The following RABGAP1L variants were observed in gnomAD, a reference collection of about 807,000 sequenced individuals.
RABGAP1L encodes the protein rab GTPase-activating protein 1-like.
Under a neutral mutation model 137.7 loss-of-function variants are expected in RABGAP1L, and 63 were observed. The ratio of observed to expected loss-of-function variants is 0.46; its 90% CI spans 0.37 to 0.56. The LOEUF is 0.56. Among genes scored for constraint, RABGAP1L ranks in the 20% least tolerant of loss-of-function variants. The pLI, the probability that RABGAP1L is intolerant of heterozygous loss-of-function variation, is 0.00. For synonymous variants in RABGAP1L, 431 were observed against 433.7 expected (o/e 0.99, Z 0.08); for missense variants, 1,095 against 1,244.0 (o/e 0.88, Z 1.80).
intron 13 of RABGAP1L, among the ~76,000 whole-genome samples, chr1:174,507,095 G>T (rs555184312): frequency 2.6e-5 from 4 of 152,120 alleles, no homozygotes; most frequent in Non-Finnish European, 5.9e-5. Context: ...AATTTAAAAA[G>T]AATTTAAGGA....
intron 13 of RABGAP1L, among the ~76,000 whole-genome samples, chr1:174,459,741 C>T (rs1656457741): frequency 6.6e-6 from 1 of 151,894 alleles, no homozygotes; most frequent in East Asian, 1.9e-4. Context: ...GGATGTGAAC[C>T]CTATGAATAT....
At chr1:174,696,526 A>C (rs1490454885) in intron 15 of RABGAP1L, among the ~76,000 whole-genome samples, 1 of 152,020 alleles carries the variant, frequency 6.6e-6, no homozygotes, top group Non-Finnish European at 1.5e-5. Flanking sequence ...CTGCTTTTCA[A>C]ATTTGTTCAG....
intron 17 of RABGAP1L, among the ~76,000 whole-genome samples, chr1:174,717,836 A>T (rs1389069034): frequency 2.0e-5 from 3 of 152,228 alleles, no homozygotes; most frequent in Non-Finnish European, 4.4e-5. Context: ...GCATGGTAAC[A>T]GTCCAATACT....
At chr1:174,407,690 A>G (rs1649436794) in intron 13 of RABGAP1L, among the ~76,000 whole-genome samples, 1 of 152,078 alleles carries the variant, frequency 6.6e-6, no homozygotes, top group Admixed American at 6.6e-5. Flanking sequence ...GGACATCCGC[A>G]GCTGCAGACT....
intron 12 of RABGAP1L, among the ~76,000 whole-genome samples, chr1:174,381,296 C>G (rs1407756725): frequency 2.0e-5 from 3 of 146,648 alleles, no homozygotes; most frequent in African/African-American, 7.7e-5. Context: ...CTGTAGATGT[C>G]TATTAGGTCC....
chr1:174,548,865 A>T (rs750049813), intron 13 of RABGAP1L, among the ~76,000 whole-genome samples: 1 of 152,202 alleles, frequency 6.6e-6, no homozygotes, highest in Non-Finnish European at 1.5e-5. Flanking sequence ...AGAAGTACCA[A>T]AAAGGGCTTA....
intron 13 of RABGAP1L, among the ~76,000 whole-genome samples, chr1:174,441,073 A>G (rs2149229745): frequency 6.7e-6 from 1 of 149,944 alleles, no homozygotes; most frequent in Non-Finnish European, 1.5e-5. Flanking sequence ...TATATAAAGA[A>G]TAAAACATAT....
intron 19 of RABGAP1L, among the ~76,000 whole-genome samples, chr1:174,936,806 TAA>T (rs1398993699): frequency 6.6e-6 from 1 of 152,124 alleles, no homozygotes; most frequent in East Asian, 1.9e-4. Context: ...CATGTTTATA[TAA>T]ATCACTTTCT....
At chr1:174,395,164 A>G (rs1478027547) in intron 13 of RABGAP1L, among the ~76,000 whole-genome samples, 2 of 152,128 alleles carry the variant, frequency 1.3e-5, no homozygotes, top group Non-Finnish European at 2.9e-5. Context: ...CACTGGTCCC[A>G]CATGGTTCAG....
chr1:174,455,168 G>A (rs1405549705), intron 13 of RABGAP1L, among the ~76,000 whole-genome samples: 1 of 152,086 alleles, frequency 6.6e-6, no homozygotes, highest in East Asian at 1.9e-4. Flanking sequence ...AGCCAAATTA[G>A]TTTTTGAGAT....
chr1:174,693,912 A>T (rs977163842), intron 15 of RABGAP1L, among the ~76,000 whole-genome samples: 19 of 152,218 alleles, frequency 1.2e-4, no homozygotes, highest in African/African-American at 4.6e-4. Context: ...TTCAGAGCAA[A>T]TGGCAAATGA....
intron 17 of RABGAP1L, among the ~76,000 whole-genome samples, chr1:174,727,412 T>C (rs899586144): frequency 1.3e-5 from 2 of 152,234 alleles, no homozygotes; most frequent in African/African-American, 4.8e-5. Context: ...TTATAGGATA[T>C]GGAACCTCAT....
rs973214933 is a variant in RABGAP1L at position 174,275,914 on chromosome 1, C to T, written c.1135C>T (p.Leu379Phe). Residue 379 changes from leucine to phenylalanine, a missense_variant, in exon 9 of 26, where the codon CTT becomes TTT. Coordinates refer to ENST00000681986, the MANE Select transcript of RABGAP1L (RefSeq NM_001366446.1). ...WNPNAPVFLA[L>F]NEETPKDKQV... Reference sequence around the variant, plus strand: ...CCCCAATGCACCAGTATTTCTGGCACTTAACGAGGAAACCCCAAAAGGTGA... The same window carrying T: ...CCCCAATGCACCAGTATTTCTGGCATTTAACGAGGAAACCCCAAAAGGTGA... 7 of 1,612,198 alleles carry T rather than the reference C, an allele frequency of 4.3e-6. No homozygotes were observed. The highest frequency in any genetic ancestry group is 5.1e-6 in the Non-Finnish European group (6 of 1,178,820).
intron 15 of RABGAP1L, 109 bp from the exon 16 acceptor site, chr1:174,699,416 T>C: frequency 1.0e-6 from 1 of 961,980 alleles, no homozygotes; most frequent in South Asian, 2.0e-5. Context: ...CTTCATTTGC[T>C]CCAGGCCTTC....
At chr1:174,479,995 A>C (rs184527720) in intron 13 of RABGAP1L, among the ~76,000 whole-genome samples, 1 of 152,134 alleles carries the variant, frequency 6.6e-6, no homozygotes, top group African/African-American at 2.4e-5. Flanking sequence ...GTTGGTTCTC[A>C]TGTTTTTTGT....
intron 19 of RABGAP1L, among the ~76,000 whole-genome samples, chr1:174,953,902 A>G (rs1394156841): frequency 6.6e-6 from 1 of 152,228 alleles, no homozygotes; most frequent in Non-Finnish European, 1.5e-5. Context: ...AGGAGTAGGT[A>G]CAAGGCAGTG....
chr1:174,952,339 CAAAAAA>C (rs59406597), intron 19 of RABGAP1L, among the ~76,000 whole-genome samples: 1 of 31,724 alleles, frequency 3.2e-5, no homozygotes, highest in Non-Finnish European at 5.4e-5. Context: ...CTGGCTCTAC[CAAAAAA>C]AAAAAAAAAA....
At chr1:174,393,434 G>A (rs936887123) in intron 12 of RABGAP1L, among the ~76,000 whole-genome samples, 12 of 152,182 alleles carry the variant, frequency 7.9e-5, no homozygotes, top group African/African-American at 2.9e-4. Flanking sequence ...TGGGAGTCAG[G>A]ATGTGGCCGC....
At chr1:174,252,717 ATACT>A (rs1558072860) in intron 7 of RABGAP1L, 127 bp downstream of exon 7, 1 of 1,370,264 alleles carries the variant, frequency 7.3e-7, no homozygotes, top group East Asian at 2.9e-5. Context: ...ATAATTAATA[ATACT>A]TTCTCTACTT....
Sources: allele counts gnomAD v4.1 joint callset (sites outside exome capture counted in the v4.1 genomes callset), GRCh38; gene constraint gnomAD v4.1.1; transcripts MANE v1.5; gene names NCBI Gene and HGNC (gene_info 2026-07-23, HGNC 2026-07-21).